Variants in STAT4 observed in about 807,000 individuals in gnomAD.
STAT4 encodes the protein signal transducer and activator of transcription 4.
STAT4 carries 42 observed loss-of-function variants against 110.5 expected under a neutral mutation model. The ratio of observed to expected loss-of-function variants is 0.38; its 90% CI spans 0.30 to 0.49. STAT4 has a LOEUF of 0.49. Among genes scored for constraint, STAT4 ranks in the 20% least tolerant of loss-of-function variants. The pLI is 0.95. For missense variants in STAT4, 632 were observed against 887.9 expected (o/e 0.71, Z 3.66); for synonymous variants, 284 against 302.2 (o/e 0.94, Z 0.63).
At chr2:191,064,043 C>T (rs182158748) in intron 8 of STAT4, among the ~76,000 whole-genome samples, 1 of 152,310 alleles carries the variant, frequency 6.6e-6, no homozygotes, top group Non-Finnish European at 1.5e-5. Flanking sequence ...ACCCTATGAA[C>T]ATTTTAATCT....
chr2:191,036,989 A>G (rs1696063876), intron 16 of STAT4, among the ~76,000 whole-genome samples: 1 of 152,214 alleles, frequency 6.6e-6, no homozygotes, highest in Non-Finnish European at 1.5e-5. Flanking sequence ...TAATATAATC[A>G]GGGCTCCATC....
intron 3 of STAT4, among the ~76,000 whole-genome samples, chr2:191,133,537 G>A (rs1699099937): frequency 6.6e-6 from 1 of 151,488 alleles, no homozygotes; most frequent in Non-Finnish European, 1.5e-5. Flanking sequence ...ATGTATAAGG[G>A]GATGTCTGGA....
chr2:191,128,563 A>G (rs919372024), intron 3 of STAT4, among the ~76,000 whole-genome samples: 6 of 152,250 alleles, frequency 3.9e-5, no homozygotes, highest in African/African-American at 1.4e-4. Context: ...AGACTAAACA[A>G]GAAGGAACTC....
intron 13 of STAT4, 51 bp from the exon 14 acceptor site, chr2:191,054,585 A>G: frequency 6.4e-7 from 1 of 1,551,832 alleles, no homozygotes; most frequent in Non-Finnish European, 8.8e-7. Flanking sequence ...TATCAGCTAC[A>G]TATTAAGTTG....
Position 191,046,949 on chromosome 2 carries a change from TG to T in STAT4, c.1252-5802del, listed in dbSNP as rs1696370045. Reference sequence around the variant, plus strand: ...AAATAGCCTCAGGATGAGAGTTGGTTGCTAGGGGAACCAATCATGTGATTAG... The same window carrying T: ...AAATAGCCTCAGGATGAGAGTTGGTTCTAGGGGAACCAATCATGTGATTAG... On this transcript the variant is annotated intron_variant, in intron 14 of 23. Transcript: ENST00000392320. This position sits in a 1 kb window ranked among gnomAD's most constrained non-coding sequence, Gnocchi z 4.6. Among the ~76,000 whole-genome samples the T allele has an allele frequency of 6.6e-6, 1 of 152,160 alleles. No individual in the cohort carries two copies. Among genetic ancestry groups the T allele is most frequent in the African/African-American group, 2.4e-5 (1 of 41,416 alleles).
chr2:191,055,614 A>G (rs1052358112), intron 13 of STAT4, among the ~76,000 whole-genome samples: 12 of 151,954 alleles, frequency 7.9e-5, no homozygotes, highest in Admixed American at 2.6e-4. Flanking sequence ...CGGCCTCCCA[A>G]AGTGTTGGGA....
chr2:191,069,213 T>G (rs1370560851), intron 6 of STAT4, among the ~76,000 whole-genome samples: 3 of 152,126 alleles, frequency 2.0e-5, no homozygotes, highest in Non-Finnish European at 4.4e-5. Context: ...ACGAGATTTT[T>G]ATTTTTTTAA....
intron 3 of STAT4, among the ~76,000 whole-genome samples, chr2:191,119,920 A>G (rs1698672275): frequency 6.6e-6 from 1 of 152,236 alleles, no homozygotes; most frequent in East Asian, 1.9e-4. Context: ...GATCATTTCA[A>G]GAAATGGCTC....
chr2:191,090,327 C>T lies in STAT4; in HGVS notation c.274-14002G>A, dbSNP rs780324745. 5.9e-5 allele frequency among the ~76,000 whole-genome samples: 9 copies of T among 152,022 alleles called. No individual in the cohort carries two copies. Among genetic ancestry groups the T allele is most frequent in the African/African-American group, 1.7e-4 (7 of 41,410 alleles). On this transcript the variant is annotated intron_variant, in intron 3 of 23. Transcript: ENST00000392320. This position sits in a 1 kb window ranked among gnomAD's most constrained non-coding sequence, Gnocchi z 4.2. ...TCCTCTCACCAGAAATGAATGAATT[C>T]GAATGAATGAAGTTGCTCGCCTCCT...
rs1166525085 is a variant in STAT4, at chr2:191,110,228, G to T, written c.274-33903C>A. Among the ~76,000 whole-genome samples the T allele has an allele frequency of 6.6e-6, 1 of 152,120 alleles. No individual in the cohort carries two copies. On this transcript the variant is annotated intron_variant, in intron 3 of 23. Transcript: ENST00000392320. This position sits in a 1 kb window ranked among gnomAD's most constrained non-coding sequence, Gnocchi z 4.5. ...TTGATGTCAGTGCTAAGAAGAAAAGGTCTTCTTCAGGCCTTTATTCAACAA... is the reference window on the plus strand; with the variant it reads ...TTGATGTCAGTGCTAAGAAGAAAAGTTCTTCTTCAGGCCTTTATTCAACAA...
intron 13 of STAT4, among the ~76,000 whole-genome samples, chr2:191,056,572 TGC>T (rs1465445714): frequency 6.6e-6 from 1 of 152,176 alleles, no homozygotes; most frequent in African/African-American, 2.4e-5. Context: ...TGTGTGTGTG[TGC>T]CTTTGTACTT....
At chr2:191,095,180 C>A (rs1697934175) in intron 3 of STAT4, among the ~76,000 whole-genome samples, 1 of 152,100 alleles carries the variant, frequency 6.6e-6, no homozygotes, top group Non-Finnish European at 1.5e-5. Flanking sequence ...GACTTTAACA[C>A]CCCACTGTCA....
At chr2:191,055,357 C>A (rs1336259912) in intron 13 of STAT4, among the ~76,000 whole-genome samples, 1 of 142,856 alleles carries the variant, frequency 7.0e-6, no homozygotes, top group Non-Finnish European at 1.5e-5. Flanking sequence ...CACCACCAAG[C>A]CTGGCTAATT....
At chr2:191,119,010 C>T (rs1189848162) in intron 3 of STAT4, among the ~76,000 whole-genome samples, 1 of 152,178 alleles carries the variant, frequency 6.6e-6, no homozygotes, top group East Asian at 1.9e-4. Flanking sequence ...AAGTAATCCT[C>T]CTATCTTGGC....
chr2:191,120,759 T>G (rs192466037), intron 3 of STAT4, among the ~76,000 whole-genome samples: 1 of 152,280 alleles, frequency 6.6e-6, no homozygotes, highest in Admixed American at 6.5e-5. Context: ...CCTTACACCT[T>G]ATATAAAAAT....
intron 3 of STAT4, among the ~76,000 whole-genome samples, chr2:191,134,315 G>T (rs1699121369): frequency 6.6e-6 from 1 of 152,162 alleles, no homozygotes; most frequent in Non-Finnish European, 1.5e-5. Context: ...GGGGGTCCAA[G>T]AACCCACACA....
chr2:191,099,301 C>A lies in STAT4; in HGVS notation c.274-22976G>T, dbSNP rs1411668482. Among the ~76,000 whole-genome samples the A allele has an allele frequency of 6.6e-6, 1 of 152,060 alleles. No individual in the cohort carries two copies. The highest frequency in any genetic ancestry group is 1.5e-5 in the Non-Finnish European group (1 of 67,996). Reference sequence around the variant, plus strand: ...TTTTACAACCTATTAGGAAAGAAATCTCAAAATATCAGAATTTAAAATGCT... The same window carrying A: ...TTTTACAACCTATTAGGAAAGAAATATCAAAATATCAGAATTTAAAATGCT... On this transcript the variant is annotated intron_variant, in intron 3 of 23. Transcript: ENST00000392320. This position sits in a 1 kb window ranked among gnomAD's most constrained non-coding sequence, Gnocchi z 4.1.
At chr2:191,148,777 GC>G (rs969620917) in intron 1 of STAT4, among the ~76,000 whole-genome samples, 22 of 152,090 alleles carry the variant, frequency 1.4e-4, no homozygotes, top group African/African-American at 5.3e-4. Context: ...TTTTATGTAT[GC>G]ATTTTCGTAG....
intron 3 of STAT4, among the ~76,000 whole-genome samples, chr2:191,101,031 C>T (rs903204353): frequency 7.2e-5 from 11 of 151,920 alleles, no homozygotes; most frequent in South Asian, 2.1e-4. Flanking sequence ...CTTTGATTTC[C>T]GCTCCTGTCA....
Sources: gnomAD v4.1 joint callset for allele counts (sites outside exome capture counted in the v4.1 genomes callset) on GRCh38, gnomAD v4.1.1 for gene constraint, Gnocchi (gnomAD v3.1) non-coding constraint, MANE v1.5 for transcripts, NCBI Gene and HGNC (gene_info 2026-07-23, HGNC 2026-07-21) for gene names.